Variants in PDE9A observed in about 807,000 individuals in gnomAD.
PDE9A encodes high affinity cGMP-specific 3',5'-cyclic phosphodiesterase 9A.
PDE9A carries 60 observed loss-of-function variants against 87.4 expected under a neutral mutation model. The ratio of observed to expected loss-of-function variants is 0.69; its 90% confidence interval spans 0.56 to 0.85. The LOEUF is 0.85. Ranked by LOEUF, PDE9A falls within the 40% of genes least tolerant of loss-of-function variation. The pLI is 0.00. For synonymous variants in PDE9A, 272 were observed against 279.4 expected, an observed-to-expected ratio of 0.97 and a Z score of 0.27; for missense variants, 665 against 779.0, an observed-to-expected ratio of 0.85 and a Z score of 1.74.
intron 17 of PDE9A, among the ~76,000 whole-genome samples, chr21:42,769,728 G>A (rs28663363): frequency 0.048 from 2,718 of 57,042 alleles, 48 homozygotes; most frequent in African/African-American, 0.15. Context: ...AGGCACACAC[G>A]TACAGAGGCA....
chr21:42,731,028 G>A (rs2146707653), intron 4 of PDE9A, among the ~76,000 whole-genome samples: 1 of 152,338 alleles, frequency 6.6e-6, no homozygotes, highest in African/African-American at 2.4e-5. Flanking sequence ...CACGATCTCA[G>A]CTCACCGCAA....
chr21:42,740,790 T>C (rs1343034217), intron 7 of PDE9A, among the ~76,000 whole-genome samples: 2 of 151,274 alleles, frequency 1.3e-5, no homozygotes, highest in Non-Finnish European at 2.9e-5. Flanking sequence ...GATAGATAGA[T>C]AGATAGATAA....
intron 19 of PDE9A, among the ~76,000 whole-genome samples, 195 bp downstream of exon 19, chr21:42,772,715 C>A (rs2057132118): frequency 6.6e-6 from 1 of 151,772 alleles, no homozygotes; most frequent in South Asian, 2.1e-4. Context: ...CTCACTACAA[C>A]CTCTGTCTCC....
At chr21:42,773,078 A>G (rs1302600749) in intron 19 of PDE9A, among the ~76,000 whole-genome samples, 1 of 149,866 alleles carries the variant, frequency 6.7e-6, no homozygotes, top group Non-Finnish European at 1.5e-5. Context: ...CTTGGCCAAC[A>G]TGGTGAAACC....
At chr21:42,668,744 C>A (rs1269596845) in intron 1 of PDE9A, among the ~76,000 whole-genome samples, 1 of 152,174 alleles carries the variant, frequency 6.6e-6, no homozygotes, top group Non-Finnish European at 1.5e-5. Context: ...GATGCCGGCG[C>A]GGGGGAAATG....
rs753084713 is a variant in PDE9A at position 42,759,052 on chromosome 21, C to T, written c.864C>T (p.Phe288=). ...MYHDLGLVRD[F]SINPVTLRRW... is the part of the protein sequence containing the mutation. ...ACGACCTCGGGCTGGTCAGGGACTT[C>T]AGCATCAACCCTGTCACCCTCAGGA... The change falls in exon 11 of 20, where the codon TTC becomes TTT. Residue 288 remains phenylalanine (F), a synonymous_variant. Coordinates refer to ENST00000291539, the MANE Select transcript of PDE9A (RefSeq NM_002606.3). The surrounding 1 kb of genome is among the most constrained non-coding windows in gnomAD (Gnocchi z 7.2). 6.2e-7 allele frequency: 1 copy of T among 1,614,100 alleles called. No individual in the cohort carries two copies. Among genetic ancestry groups the T allele is most frequent in the South Asian group, 1.1e-5 (1 of 91,078 alleles).
At chr21:42,752,033 G>A (rs1017913896) in intron 9 of PDE9A, among the ~76,000 whole-genome samples, 8 of 148,526 alleles carry the variant, frequency 5.4e-5, no homozygotes, top group South Asian at 2.2e-4. Context: ...CACCGCACCC[G>A]GCCCGGCCCA....
chr21:42,723,630 G>T lies in PDE9A; in HGVS notation c.263-8140G>T, dbSNP rs2050746214. Among the ~76,000 whole-genome samples the T allele has an allele frequency of 6.6e-6, 1 of 152,156 alleles. No homozygotes were observed. The highest frequency in any genetic ancestry group is 2.4e-5 in the African/African-American group (1 of 41,438). ...CGGGGGCACTTTTAGATATTCTATT[G>T]GTTGTTCTTGGGGGACAGCTTCCTT... On this transcript the variant is annotated intron_variant, in intron 4 of 19. Coordinates refer to ENST00000291539, the MANE Select transcript of PDE9A (RefSeq NM_002606.3). This position sits in a 1 kb window ranked among gnomAD's most constrained non-coding sequence, Gnocchi z 4.3.
chr21:42,773,840 C>G (rs762578800), intron 19 of PDE9A, among the ~76,000 whole-genome samples: 1 of 150,308 alleles, frequency 6.7e-6, no homozygotes, highest in East Asian at 2.0e-4. Context: ...CGCAGTGGCT[C>G]ATGCCTGTAG....
intron 1 of PDE9A, among the ~76,000 whole-genome samples, chr21:42,666,815 C>T (rs1408906786): frequency 2.6e-5 from 4 of 152,232 alleles, no homozygotes; most frequent in Admixed American, 1.3e-4. Context: ...CCATAGCACC[C>T]GCTTTGGGAA....
At position 42,733,514 on chromosome 21, in the gene PDE9A, C is replaced by T. The variant is rs147975073; in HGVS notation, c.568+88C>T. 3.0e-4 allele frequency: 225 copies of T among 761,416 alleles called. No individual in the cohort carries two copies. In the African/African-American group the frequency reaches 3.5e-3, roughly 12 times the overall value. 47.2% of individuals were successfully genotyped at this position (761,416 alleles called of 1,614,324 possible). A position where few individuals can be genotyped will look rare whatever the true frequency, so the allele number is the denominator to read the frequency against. ...CTTGGAACGGGGAGGAGTTCAGTGC[C>T]GAAGGTAAATACAAATAAATGTCTT... On this transcript the variant is annotated intron_variant, in intron 7 of 19. Transcript: ENST00000291539.
chr21:42,670,956 G>A (rs1265255288), intron 1 of PDE9A, among the ~76,000 whole-genome samples: 1 of 152,044 alleles, frequency 6.6e-6, no homozygotes, highest in African/African-American at 2.4e-5. Flanking sequence ...TGTTATCTTT[G>A]ATCCTTAAAC....
At chr21:42,724,183 A>G (rs1382086323) in intron 4 of PDE9A, among the ~76,000 whole-genome samples, 1 of 152,078 alleles carries the variant, frequency 6.6e-6, no homozygotes, top group Non-Finnish European at 1.5e-5. Flanking sequence ...CCCGGAGCGC[A>G]CCCTGTCACC....
rs975660441 is a variant in PDE9A, at chr21:42,775,439, A to G, written c.*146A>G. 11 of 615,586 alleles carry G rather than the reference A, an allele frequency of 1.8e-5. No individual in the cohort carries two copies. The highest frequency in any genetic ancestry group is 3.1e-5 in the Non-Finnish European group (11 of 353,600). The allele number at this position is 615,586 out of a possible 1,614,324, so 38.1% of individuals were successfully genotyped here. On this transcript the variant is annotated 3_prime_UTR_variant, in exon 20 of 20. Coordinates refer to ENST00000291539, the MANE Select transcript of PDE9A (RefSeq NM_002606.3). The stretch of plus-strand genomic sequence containing the variant: ...TTGTTCACTGATACAAAAAAAAAAA[A>G]AGGAATTCATGATGCTGTACAGAAT...
intron 1 of PDE9A, among the ~76,000 whole-genome samples, chr21:42,661,276 G>C (rs946221040): frequency 6.6e-6 from 1 of 151,444 alleles, no homozygotes; most frequent in Non-Finnish European, 1.5e-5. Flanking sequence ...TGATCCGCCC[G>C]CCTCAGCCTC....
intron 1 of PDE9A, among the ~76,000 whole-genome samples, chr21:42,666,975 C>T (rs548293326): frequency 6.0e-4 from 92 of 152,302 alleles, no homozygotes; most frequent in African/African-American, 2.1e-3. Flanking sequence ...GCCTGGTGAC[C>T]GCCGACTCGC....
intron 10 of PDE9A, chr21:42,757,175 CA>C (rs1286685136): frequency 3.9e-5 from 6 of 152,428 alleles, no homozygotes; most frequent in Middle Eastern, 3.4e-3. Context: ...CTCCAAAAGC[CA>C]GTGCAGTGCC....
At chr21:42,754,351 G>A (rs116454951) in intron 10 of PDE9A, among the ~76,000 whole-genome samples, 128 of 152,294 alleles carry the variant, frequency 8.4e-4, no homozygotes, top group African/African-American at 2.8e-3. Context: ...TGGGCCCCCC[G>A]AGCCATCTGC....
At chr21:42,740,746 AGATAAACAG>A (rs1202827356) in intron 7 of PDE9A, among the ~76,000 whole-genome samples, 30 of 142,066 alleles carry the variant, frequency 2.1e-4, no homozygotes, top group Admixed American at 1.7e-3. Flanking sequence ...ATAGATAGAT[AGATAAACAG>A]GATAGATAGA....
Sources: gnomAD v4.1 joint callset for allele counts (sites outside exome capture counted in the v4.1 genomes callset) on GRCh38, gnomAD v4.1.1 for gene constraint, Gnocchi (gnomAD v3.1) non-coding constraint, MANE v1.5 for transcripts, NCBI Gene and HGNC (gene_info 2026-07-23, HGNC 2026-07-21) for gene names.